PHACTR3: variants seen among roughly 807,000 people sequenced by gnomAD.
PHACTR3 encodes phosphatase and actin regulator 3.
PHACTR3 carries 16 observed loss-of-function variants against 66.8 expected under a neutral mutation model. The observed-to-expected ratio is 0.24, with a 90% CI of 0.16 to 0.36. PHACTR3 has a LOEUF of 0.36. Ranked by LOEUF, PHACTR3 falls within the 10% of genes least tolerant of loss-of-function variation. The pLI is 1.00. For synonymous variants in PHACTR3, 323 were observed against 292.1 expected (o/e 1.11, Z -1.08); for missense variants, 647 against 719.9 (o/e 0.90, Z 1.16).
intron 7 of PHACTR3, among the ~76,000 whole-genome samples, chr20:59,784,930 C>A (rs2146936161): frequency 6.6e-6 from 1 of 151,752 alleles, no homozygotes; most frequent in African/African-American, 2.4e-5. Flanking sequence ...GGATCTCCTG[C>A]AGCTGAACTG....
intron 1 of PHACTR3, chr20:59,628,860 C>A: frequency 1.0e-6 from 1 of 963,594 alleles, no homozygotes; most frequent in Non-Finnish European, 1.2e-6. Flanking sequence ...ATTGTTCACA[C>A]TTTCTAAACT....
At chr20:59,715,477 C>G (rs1057326219) in intron 1 of PHACTR3, among the ~76,000 whole-genome samples, 1 of 152,144 alleles carries the variant, frequency 6.6e-6, no homozygotes, top group Non-Finnish European at 1.5e-5. Context: ...TTAAACCTAA[C>G]TTGTTTTCCA....
At chr20:59,653,359 A>G (rs1055915494) in intron 1 of PHACTR3, among the ~76,000 whole-genome samples, 3 of 151,992 alleles carry the variant, frequency 2.0e-5, no homozygotes, top group Non-Finnish European at 2.9e-5. Flanking sequence ...TAATTTTTGT[A>G]ATTTTAATAG....
At chr20:59,698,931 G>C (rs992394602) in intron 1 of PHACTR3, among the ~76,000 whole-genome samples, 1 of 152,152 alleles carries the variant, frequency 6.6e-6, no homozygotes, top group African/African-American at 2.4e-5. Context: ...GTTGAAAGAA[G>C]ATCAATGCTG....
chr20:59,665,595 TGGAGTTCGAG>T (rs2035956757), intron 1 of PHACTR3, among the ~76,000 whole-genome samples: 1 of 151,904 alleles, frequency 6.6e-6, no homozygotes, highest in East Asian at 1.9e-4. Context: ...GAGGTTGTGG[TGGAGTTCGAG>T]GGAGTGATTG....
intron 1 of PHACTR3, among the ~76,000 whole-genome samples, chr20:59,725,246 T>G (rs529754502): frequency 6.9e-6 from 1 of 144,356 alleles, no homozygotes; most frequent in South Asian, 2.1e-4. Context: ...TCAGTGAGGT[T>G]GTGAGCCCAG....
intron 1 of PHACTR3, chr20:59,628,829 T>A (rs1254318844): frequency 1.0e-6 from 1 of 984,104 alleles, no homozygotes; most frequent in Non-Finnish European, 1.2e-6. Flanking sequence ...TAGATCTTGT[T>A]TTTTGTTTGT....
At chr20:59,773,755 G>A (rs2040434758) in intron 6 of PHACTR3, among the ~76,000 whole-genome samples, 1 of 152,228 alleles carries the variant, frequency 6.6e-6, no homozygotes, top group African/African-American at 2.4e-5. Context: ...AGGAGAGACT[G>A]ACTTAGAGAA....
intron 1 of PHACTR3, among the ~76,000 whole-genome samples, chr20:59,679,296 C>A (rs747982157): frequency 6.6e-6 from 1 of 152,186 alleles, no homozygotes; most frequent in Non-Finnish European, 1.5e-5. Flanking sequence ...CATCACGACT[C>A]AGACAACTTA....
intron 1 of PHACTR3, among the ~76,000 whole-genome samples, chr20:59,725,916 T>C (rs2038545311): frequency 6.6e-6 from 1 of 152,140 alleles, no homozygotes; most frequent in South Asian, 2.1e-4. Flanking sequence ...TCCACAGCCT[T>C]GGACTGGAGG....
chr20:59,703,705 G>T (rs2037592194), intron 1 of PHACTR3, among the ~76,000 whole-genome samples: 1 of 126,758 alleles, frequency 7.9e-6, no homozygotes, highest in Non-Finnish European at 1.5e-5. Context: ...GTGTGTGTGA[G>T]TGTGTGTGTG....
intron 1 of PHACTR3, among the ~76,000 whole-genome samples, chr20:59,646,864 C>T (rs2146439542): frequency 6.6e-6 from 1 of 152,324 alleles, no homozygotes; most frequent in Non-Finnish European, 1.5e-5. Context: ...ATGAGTGACT[C>T]TGAAAGGGTT....
intron 1 of PHACTR3, among the ~76,000 whole-genome samples, chr20:59,666,326 A>T (rs997407031): frequency 6.6e-6 from 1 of 152,122 alleles, no homozygotes. Context: ...GCCCTCTCCC[A>T]CCCTGCCTAA....
intron 4 of PHACTR3, among the ~76,000 whole-genome samples, chr20:59,766,528 G>A (rs1338568279): frequency 2.0e-5 from 3 of 152,160 alleles, no homozygotes; most frequent in African/African-American, 4.8e-5. Context: ...GGCAGGCTGA[G>A]GGGTGGTTGT....
intron 1 of PHACTR3, among the ~76,000 whole-genome samples, chr20:59,718,480 T>A (rs1359451994): frequency 6.6e-6 from 1 of 151,604 alleles, no homozygotes; most frequent in South Asian, 2.1e-4. Context: ...TCTACAAGGG[T>A]CAAATCCAGT....
chr20:59,822,750 G>A (rs1322474497), intron 8 of PHACTR3, among the ~76,000 whole-genome samples: 1 of 152,220 alleles, frequency 6.6e-6, no homozygotes, highest in African/African-American at 2.4e-5. Flanking sequence ...GCCCCGTGCT[G>A]GGCAAGACCC....
At chr20:59,779,478 C>A (rs1016129387) in intron 7 of PHACTR3, among the ~76,000 whole-genome samples, 1 of 152,212 alleles carries the variant, frequency 6.6e-6, no homozygotes, top group Admixed American at 6.5e-5. Context: ...GTTCAAACCC[C>A]ATTCCCACTG....
chr20:59,819,056 G>A (rs2041961053), intron 8 of PHACTR3, among the ~76,000 whole-genome samples: 1 of 152,182 alleles, frequency 6.6e-6, no homozygotes, highest in African/African-American at 2.4e-5. Flanking sequence ...CACATCTAAA[G>A]CAGGTTCCGG....
intron 7 of PHACTR3, among the ~76,000 whole-genome samples, chr20:59,775,935 T>A (rs2040522985): frequency 6.6e-6 from 1 of 152,162 alleles, no homozygotes; most frequent in South Asian, 2.1e-4. Context: ...TCCTGCAGCA[T>A]CCCTGGCCTC....
Sources: gnomAD v4.1 joint callset for allele counts (sites outside exome capture counted in the v4.1 genomes callset) on GRCh38, gnomAD v4.1.1 for gene constraint, MANE v1.5 for transcripts, NCBI Gene and HGNC (gene_info 2026-07-23, HGNC 2026-07-21) for gene names.